The following RPTOR variants were observed in gnomAD, a reference collection of about 807,000 sequenced individuals.
RPTOR encodes regulatory-associated protein of mTOR.
In RPTOR, 21 loss-of-function variants were observed where a neutral mutation model predicts 169.9. The observed-to-expected ratio is 0.12, with a 90% CI of 0.09 to 0.18. The LOEUF is 0.18. RPTOR is among the 10% of genes least tolerant of loss of function. RPTOR has a pLI of 1.00. For synonymous variants in RPTOR, 732 were observed against 753.2 expected (o/e 0.97, Z 0.46); for missense variants, 1,133 against 1,855.9 (o/e 0.61, Z 7.16).
In RPTOR at chr17:80,562,331, C is replaced by T. The variant is rs757223633; in HGVS notation, c.162+16540C>T. 9.9e-5 allele frequency among the ~76,000 whole-genome samples: 15 copies of T among 152,176 alleles called. No individual in the cohort carries two copies. The highest frequency in any genetic ancestry group is 1.9e-4 in the East Asian group (1 of 5,198). Reference sequence around the variant, plus strand: ...TGTTGAAATTGTTGCCTAAAACGATCGCTGATCTTGTGCCCCTCAGTGTGT... The same window carrying T: ...TGTTGAAATTGTTGCCTAAAACGATTGCTGATCTTGTGCCCCTCAGTGTGT... On this transcript the variant is annotated intron_variant, in intron 1 of 33. Coordinates refer to ENST00000306801, the MANE Select transcript of RPTOR (RefSeq NM_020761.3). This position sits in a 1 kb window ranked among gnomAD's most constrained non-coding sequence, Gnocchi z 4.4.
At chr17:80,898,071 C>G (rs1209467916) in intron 20 of RPTOR, among the ~76,000 whole-genome samples, 1 of 152,096 alleles carries the variant, frequency 6.6e-6, no homozygotes, top group Non-Finnish European at 1.5e-5. Context: ...ACTGTCTGGG[C>G]TAGTGTAGTG....
intron 9 of RPTOR, among the ~76,000 whole-genome samples, chr17:80,831,690 T>C (rs1402743803): frequency 6.6e-6 from 1 of 152,202 alleles, no homozygotes; most frequent in Non-Finnish European, 1.5e-5. Flanking sequence ...TGTGTATCAC[T>C]ATGTATCCCT....
chr17:80,808,200 G>A (rs2067238721), intron 7 of RPTOR, among the ~76,000 whole-genome samples: 1 of 152,090 alleles, frequency 6.6e-6, no homozygotes, highest in South Asian at 2.1e-4. Flanking sequence ...TGAGGCATGA[G>A]AATTGCTTGA....
intron 5 of RPTOR, among the ~76,000 whole-genome samples, chr17:80,737,930 C>A (rs2066447994): frequency 6.6e-6 from 1 of 151,576 alleles, no homozygotes; most frequent in Non-Finnish European, 1.5e-5. Context: ...CCAAAACATA[C>A]AGTAGAAACC....
At chr17:80,742,483 A>T (rs1450084988) in intron 5 of RPTOR, among the ~76,000 whole-genome samples, 1 of 152,082 alleles carries the variant, frequency 6.6e-6, no homozygotes, top group African/African-American at 2.4e-5. Flanking sequence ...GCACATGCAC[A>T]TACAGACATG....
rs1225074742 is a variant in RPTOR, at chr17:80,963,191, G to A, written c.3939+134G>A. 70 of 881,424 alleles carry A rather than the reference G, an allele frequency of 7.9e-5. No homozygotes were observed. The South Asian group carries it at 8.5e-4, about 11-fold the overall frequency. 54.6% of individuals were successfully genotyped at this position (881,424 alleles called of 1,614,324 possible). ...GGGCCCATTGGCTGCCTGAGGGAGG[G>A]ACTTGCCTGGGTCCCAGGATCTCTA... On this transcript the variant is annotated intron_variant, in intron 33 of 33. Transcript: ENST00000306801.
rs180873870 is a variant in RPTOR, at chr17:80,931,356, G to A, written c.2919+5876G>A. 3.9e-5 allele frequency among the ~76,000 whole-genome samples: 6 copies of A among 152,384 alleles called. No individual in the cohort carries two copies. The East Asian group carries it at 1.2e-3, about 29-fold the overall frequency. ...AGCACCAGTTCCCTGCAGCAGAGCA[G>A]AAGGGGCCAGCAGGGAGAAATGCTC... On this transcript the variant is annotated intron_variant, in intron 24 of 33. Transcript: ENST00000306801.
intron 3 of RPTOR, among the ~76,000 whole-genome samples, chr17:80,666,602 T>G (rs999098887): frequency 6.6e-6 from 1 of 152,178 alleles, no homozygotes; most frequent in African/African-American, 2.4e-5. Flanking sequence ...AAGTGATACC[T>G]CCTACTGGCA....
In RPTOR at chr17:80,823,163, C is replaced by G. The variant is rs764001440; in HGVS notation, c.1076C>G (p.Ser359Trp). ...NFLLAERIMR[S>W]YNCTPVSSPR... ...TTATTGGCGGAAAGGATTATGAGGT[C>G]GTATAACTGCACTCCCGTCAGCAGC... Residue 359 changes from serine (S) to tryptophan (W), a missense_variant, in exon 9 of 34, where the codon TCG becomes TGG. Coordinates refer to ENST00000306801, the MANE Select transcript of RPTOR (RefSeq NM_020761.3). The surrounding 1 kb of genome is among the most constrained non-coding windows in gnomAD (Gnocchi z 4.5). 1.2e-6 allele frequency: 2 copies of G among 1,614,098 alleles called. No individual in the cohort carries two copies. The highest frequency in any genetic ancestry group is 1.6e-4 in the Middle Eastern group (1 of 6,062).
At chr17:80,877,550 T>C (rs896326527) in intron 13 of RPTOR, among the ~76,000 whole-genome samples, 3 of 152,240 alleles carry the variant, frequency 2.0e-5, no homozygotes, top group African/African-American at 7.2e-5. Context: ...GATGCTTCAT[T>C]ACACTCTCGT....
intron 21 of RPTOR, among the ~76,000 whole-genome samples, chr17:80,916,076 A>C (rs1290533187): frequency 6.6e-6 from 1 of 152,188 alleles, no homozygotes; most frequent in East Asian, 1.9e-4. Flanking sequence ...TCCTGGATGC[A>C]GGACAAGAAC....
intron 1 of RPTOR, among the ~76,000 whole-genome samples, chr17:80,618,453 T>G (rs2143510851): frequency 6.6e-6 from 1 of 152,336 alleles, no homozygotes; most frequent in South Asian, 2.1e-4. Context: ...GGAACTAAAC[T>G]CATACCAAGT....
chr17:80,560,264 G>T (rs953348898), intron 1 of RPTOR, among the ~76,000 whole-genome samples: 2 of 152,218 alleles, frequency 1.3e-5, no homozygotes, highest in Admixed American at 6.5e-5. Context: ...GCTGGACGAA[G>T]ATCTGTGTGC....
intron 6 of RPTOR, among the ~76,000 whole-genome samples, chr17:80,772,971 T>C (rs1241327907): frequency 1.3e-5 from 2 of 152,184 alleles, no homozygotes; most frequent in Admixed American, 6.5e-5. Context: ...TTCTCTTCAT[T>C]ACCTTCTGCC....
At chr17:80,958,284 G>T (rs1444259048) in intron 29 of RPTOR, among the ~76,000 whole-genome samples, 1 of 151,128 alleles carries the variant, frequency 6.6e-6, no homozygotes, top group Non-Finnish European at 1.5e-5. Flanking sequence ...TAGAAACAGG[G>T]GTCTCAGTAT....
intron 1 of RPTOR, among the ~76,000 whole-genome samples, chr17:80,611,636 C>T (rs2065271602): frequency 6.6e-6 from 1 of 152,032 alleles, no homozygotes; most frequent in African/African-American, 2.4e-5. Context: ...CATCATTCAC[C>T]CGTCTAACCA....
Position 80,707,732 on chromosome 17 carries a change from C to T in RPTOR, c.349-109C>T, listed in dbSNP as rs957870149. ...GATGGAGAAACTCAGAGCCATGTGT[C>T]CAGGACCACACAGCTATTAACTGCA... On this transcript the variant is annotated intron_variant, in intron 3 of 33. Coordinates refer to ENST00000306801, the MANE Select transcript of RPTOR (RefSeq NM_020761.3). This position sits in a 1 kb window ranked among gnomAD's most constrained non-coding sequence, Gnocchi z 5.0. The T allele has an allele frequency of 1.9e-6, 2 of 1,054,474 alleles. No homozygotes were observed. Among genetic ancestry groups the T allele is most frequent in the Non-Finnish European group, 2.7e-6 (2 of 728,984 alleles). The allele number at this position is 1,054,474 out of a possible 1,614,324, so 65.3% of individuals were successfully genotyped here. A position where few individuals can be genotyped will look rare whatever the true frequency, so the allele number is the denominator to read the frequency against.
chr17:80,702,116 C>G (rs993399002), intron 3 of RPTOR, among the ~76,000 whole-genome samples: 4 of 152,074 alleles, frequency 2.6e-5, no homozygotes, highest in African/African-American at 4.8e-5. Flanking sequence ...ATTTCTTAGG[C>G]CTTATTAGCA....
chr17:80,919,754 G>A (rs573744578), intron 21 of RPTOR, among the ~76,000 whole-genome samples: 12 of 152,356 alleles, frequency 7.9e-5, no homozygotes, highest in African/African-American at 2.2e-4. Flanking sequence ...TAGCAAAGTC[G>A]TATCTGCCAC....
Sources: gnomAD v4.1 joint callset for allele counts (sites outside exome capture counted in the v4.1 genomes callset) on GRCh38, gnomAD v4.1.1 for gene constraint, Gnocchi (gnomAD v3.1) non-coding constraint, MANE v1.5 for transcripts, NCBI Gene and HGNC (gene_info 2026-07-23, HGNC 2026-07-21) for gene names.